FBXO42: variants seen among roughly 807,000 people sequenced by gnomAD.
FBXO42 encodes the protein F-box protein 42, also known as F-box only protein 42.
FBXO42 carries 12 observed loss-of-function variants against 71.7 expected under a neutral mutation model. The ratio of observed to expected loss-of-function variants is 0.17; its 90% CI spans 0.11 to 0.27. The LOEUF is 0.27. FBXO42 is among the 10% of genes least tolerant of loss of function. The pLI, the probability that FBXO42 is intolerant of heterozygous loss-of-function variation, is 1.00. For synonymous variants in FBXO42, 325 were observed against 327.5 expected, an observed-to-expected ratio of 0.99 and a Z score of 0.08; for missense variants, 707 against 911.9, an observed-to-expected ratio of 0.78 and a Z score of 2.89.
chr1:16,315,157 T>C lies in FBXO42; in HGVS notation c.250+12A>G, dbSNP rs994327143. 2.5e-6 allele frequency: 4 copies of C among 1,589,838 alleles called. No individual in the cohort carries two copies. Among genetic ancestry groups the C allele is most frequent in the South Asian group, 1.1e-5 (1 of 87,804 alleles). ...GAAATCAATAAATAAACCTTTCTCC[T>C]ATCCACAGTACCTTTGATAAGTCGA... is the stretch of plus-strand genomic sequence containing the variant. On this transcript the variant is annotated intron_variant, in intron 2 of 9. Coordinates refer to ENST00000375592, the MANE Select transcript of FBXO42 (RefSeq NM_018994.3).
chr1:16,305,723 C>CA (rs2082243237), intron 3 of FBXO42, 80 bp downstream of exon 3: 4 of 1,254,678 alleles, frequency 3.2e-6, no homozygotes, highest in Admixed American at 3.4e-5. Flanking sequence ...CAAAAACAAA[C>CA]AAAAAAACAT....
At chr1:16,346,464 G>A (rs766111200) in intron 1 of FBXO42, among the ~76,000 whole-genome samples, 20 of 152,034 alleles carry the variant, frequency 1.3e-4, no homozygotes, top group Non-Finnish European at 2.5e-4. Context: ...CGAGGCGGGC[G>A]GATCATGAGG....
At chr1:16,311,277 G>A (rs1364148663) in intron 2 of FBXO42, among the ~76,000 whole-genome samples, 2 of 149,682 alleles carry the variant, frequency 1.3e-5, no homozygotes, top group African/African-American at 4.9e-5. Flanking sequence ...AAGAGTTCAG[G>A]ACCAGCATGA....
chr1:16,287,250 G>A (rs945830323), intron 4 of FBXO42, among the ~76,000 whole-genome samples: 2 of 152,124 alleles, frequency 1.3e-5, no homozygotes, highest in Admixed American at 6.6e-5. Context: ...TGAAACATTC[G>A]TTTCTCAGAT....
chr1:16,248,725 G>A lies in FBXO42; in HGVS notation c.*1945C>T, dbSNP rs2081559902. 6.6e-6 allele frequency: 1 copy of A among 152,192 alleles called. No homozygotes were observed. The highest frequency in any genetic ancestry group is 2.4e-5 in the African/African-American group (1 of 41,444). 9.4% of individuals were successfully genotyped at this position (152,192 alleles called of 1,614,324 possible). On this transcript the variant is annotated 3_prime_UTR_variant, in exon 10 of 10. Transcript: ENST00000375592. The stretch of plus-strand genomic sequence containing the variant: ...GAACAGTCTTTGCCAAGCAAGGATT[G>A]GCAACAGCACCAGAGCCTGAGTCGC...
intron 4 of FBXO42, among the ~76,000 whole-genome samples, chr1:16,261,562 A>C (rs957694358): frequency 6.6e-6 from 1 of 152,200 alleles, no homozygotes; most frequent in Admixed American, 6.5e-5. Flanking sequence ...GGGAAAGTTA[A>C]ATCAATTGTA....
chr1:16,285,145 AAAACAAAC>A (rs781594371), intron 4 of FBXO42, among the ~76,000 whole-genome samples: 1 of 151,986 alleles, frequency 6.6e-6, no homozygotes, highest in African/African-American at 2.4e-5. Flanking sequence ...ACTCATCTCA[AAAACAAAC>A]AAACAAACAA....
At chr1:16,345,463 G>A (rs2100642905) in intron 1 of FBXO42, among the ~76,000 whole-genome samples, 1 of 152,076 alleles carries the variant, frequency 6.6e-6, no homozygotes, top group Admixed American at 6.6e-5. Context: ...TTTTCTAGTT[G>A]TGACTACTGA....
chr1:16,251,082 AG>A lies in FBXO42; in HGVS notation c.1741del (p.Ser583LeufsTer11). On this transcript the variant is annotated frameshift_variant, in exon 10 of 10. Coordinates refer to ENST00000375592, the MANE Select transcript of FBXO42 (RefSeq NM_018994.3). LOFTEE classifies it high-confidence loss of function. This position sits in a 1 kb window ranked among gnomAD's most constrained non-coding sequence, Gnocchi z 4.5. Reference sequence around the variant, plus strand: ...CCCAGGAGAGCCTGGAGAAGACCCAAGAGGAGGACTTAGTGCTGCAGAGGCC... The same window carrying A: ...CCCAGGAGAGCCTGGAGAAGACCCAAAGGAGGACTTAGTGCTGCAGAGGCC... ...PSASAALSPP[L>X]GSSPGSPGSQ... 1 of 1,614,160 alleles carries A rather than the reference AG, an allele frequency of 6.2e-7. No individual in the cohort carries two copies. Among genetic ancestry groups the A allele is most frequent in the Non-Finnish European group, 8.5e-7 (1 of 1,180,042 alleles).
intron 1 of FBXO42, among the ~76,000 whole-genome samples, chr1:16,343,814 G>A (rs1006729715): frequency 3.3e-5 from 5 of 149,372 alleles, no homozygotes; most frequent in African/African-American, 7.4e-5. Context: ...CAGAGACTAC[G>A]TCTCAAAAAA....
chr1:16,323,762 G>GCA (rs1389417932), intron 1 of FBXO42, among the ~76,000 whole-genome samples: 2 of 142,486 alleles, frequency 1.4e-5, no homozygotes, highest in East Asian at 4.1e-4. Context: ...TGCACTCCAA[G>GCA]GTGGGTGAGG....
At chr1:16,312,116 T>C (rs150643323) in intron 2 of FBXO42, among the ~76,000 whole-genome samples, 1 of 152,194 alleles carries the variant, frequency 6.6e-6, no homozygotes, top group African/African-American at 2.4e-5. Context: ...CCCAGCATTT[T>C]TGGAAGCTGA....
chr1:16,271,174 C>G (rs992969465), intron 4 of FBXO42, among the ~76,000 whole-genome samples: 2 of 151,428 alleles, frequency 1.3e-5, no homozygotes, highest in Non-Finnish European at 2.9e-5. Flanking sequence ...GCAATGAGGT[C>G]AGAGAGATGA....
At chr1:16,278,890 T>C (rs2081932314) in intron 4 of FBXO42, among the ~76,000 whole-genome samples, 1 of 152,158 alleles carries the variant, frequency 6.6e-6, no homozygotes, top group Non-Finnish European at 1.5e-5. Context: ...CCGATTCTCC[T>C]GCCTCAGCCT....
intron 2 of FBXO42, among the ~76,000 whole-genome samples, chr1:16,310,360 G>GA (rs982368893): frequency 5.9e-4 from 85 of 143,546 alleles, no homozygotes; most frequent in East Asian, 3.6e-3. Context: ...GGTTCCATCT[G>GA]AAAAAAAAAA....
At chr1:16,315,075 A>T in intron 2 of FBXO42, 94 bp downstream of exon 2, 1 of 1,343,782 alleles carries the variant, frequency 7.4e-7, no homozygotes, top group Non-Finnish European at 1.0e-6. Flanking sequence ...TAACCATAAT[A>T]CATTTAAGGG....
At chr1:16,276,316 C>A (rs535215932) in intron 4 of FBXO42, among the ~76,000 whole-genome samples, 5 of 149,402 alleles carry the variant, frequency 3.3e-5, no homozygotes, top group African/African-American at 4.9e-5. Flanking sequence ...GGAGGCAGAG[C>A]TTGCAGTAAG....
At chr1:16,333,446 C>A (rs200516839) in intron 1 of FBXO42, among the ~76,000 whole-genome samples, 34 of 140,840 alleles carry the variant, frequency 2.4e-4, no homozygotes, top group Middle Eastern at 3.5e-3. Context: ...ACCCCCCCCC[C>A]CCATTTCCAA....
chr1:16,316,118 G>A (rs1262643), intron 1 of FBXO42, among the ~76,000 whole-genome samples: 6 of 143,150 alleles, frequency 4.2e-5, no homozygotes, highest in South Asian at 4.3e-4. Context: ...GCAGTGAGCC[G>A]AGATCATGCC....
Sources: gnomAD v4.1 joint callset for allele counts (sites outside exome capture counted in the v4.1 genomes callset) on GRCh38, gnomAD v4.1.1 for gene constraint, Gnocchi (gnomAD v3.1) non-coding constraint, MANE v1.5 for transcripts, NCBI Gene and HGNC (gene_info 2026-07-23, HGNC 2026-07-21) for gene names.